CIB4: variants seen among roughly 807,000 people sequenced by gnomAD.
CIB4 encodes the protein calcium and integrin-binding family member 4.
Under a neutral mutation model 25.8 loss-of-function variants are expected in CIB4, and 25 were observed. That is an observed-to-expected ratio of 0.97 (90% confidence interval 0.71 to 1.35). CIB4 has a LOEUF of 1.35. Ranked by LOEUF, CIB4 falls within the 40% of genes most tolerant of loss-of-function variation. The pLI is 0.00. For synonymous variants in CIB4, 75 were observed against 81.4 expected, an observed-to-expected ratio of 0.92 and a Z score of 0.42; for missense variants, 235 against 228.2, an observed-to-expected ratio of 1.03 and a Z score of -0.19.
chr2:26,637,963 C>T (rs959782904), intron 2 of CIB4, among the ~76,000 whole-genome samples: 2 of 152,168 alleles, frequency 1.3e-5, no homozygotes, highest in Non-Finnish European at 2.9e-5. Context: ...ATACTTTGCC[C>T]TCTACTCTGC....
Position 26,641,349 on chromosome 2 carries a change from C to A in CIB4, c.-35G>T, listed in dbSNP as rs199788270. On this transcript the variant is annotated 5_prime_UTR_variant, in exon 1 of 7. Coordinates refer to ENST00000288861, the MANE Select transcript of CIB4 (RefSeq NM_001029881.3). Reference sequence around the variant, plus strand: ...ACCTTTCTGTCTGCCAGCAGTAGAACCTCAGCCTCAAGGACTCGCCAGCTG... The same window carrying A: ...ACCTTTCTGTCTGCCAGCAGTAGAAACTCAGCCTCAAGGACTCGCCAGCTG... 1.1e-5 allele frequency: 17 copies of A among 1,596,806 alleles called. No homozygotes were observed. The highest frequency in any genetic ancestry group is 6.7e-5 in the African/African-American group (5 of 74,714).
At chr2:26,586,270 T>C (rs936221221) in intron 4 of CIB4, among the ~76,000 whole-genome samples, 3 of 152,174 alleles carry the variant, frequency 2.0e-5, no homozygotes, top group African/African-American at 7.2e-5. Flanking sequence ...TCACTCTGCC[T>C]CCTTGCTCAG....
In CIB4 at chr2:26,581,377, A is replaced by G. The variant is rs761586843; in HGVS notation, c.544T>C (p.Phe182Leu). 25 of 1,613,682 alleles carry G rather than the reference A, an allele frequency of 1.5e-5. No homozygotes were observed. In the East Asian group the frequency reaches 5.6e-4, roughly 36 times the overall value. The change falls in exon 7 of 7, where the codon TTC (phenylalanine) becomes CTC (leucine). Residue 182 changes from phenylalanine (F) to leucine (L), a missense_variant. Coordinates refer to ENST00000288861, the MANE Select transcript of CIB4 (RefSeq NM_001029881.3). ...PDFMNSFRIH[F>L]WGC ...TTGCCGCTACATCAGCATCCCCAGAAGTGAATCCGAAAGGAGCTGAAAGAA... is the reference window on the plus strand; with the variant it reads ...TTGCCGCTACATCAGCATCCCCAGAGGTGAATCCGAAAGGAGCTGAAAGAA...
rs1187640015 is a variant in CIB4 at position 26,589,108 on chromosome 2, C to CTCTTCTTCT, written c.329-5219_329-5211dup. On this transcript the variant is annotated intron_variant, in intron 4 of 6. Coordinates refer to ENST00000288861, the MANE Select transcript of CIB4 (RefSeq NM_001029881.3). ...CTTCTTCTTCTTCTTCTTCTTCTTC[C>CTCTTCTTCT]TCTTCTTCTTCTTCTTCTTCTTCTT... 1.5e-4 allele frequency among the ~76,000 whole-genome samples: 10 copies of CTCTTCTTCT among 67,808 alleles called. 1 individual carries two copies. Among genetic ancestry groups the CTCTTCTTCT allele is most frequent in the South Asian group, 1.2e-3 (2 of 1,664 alleles). 44.5% of individuals were successfully genotyped at this position (67,808 alleles called of 152,430 possible).
chr2:26,583,650 C>G, intron 5 of CIB4, 139 bp downstream of exon 5: 1 of 660,136 alleles, frequency 1.5e-6, no homozygotes, highest in Non-Finnish European at 2.8e-6. Context: ...AATGTGTGCA[C>G]CAAAGGCCAA....
intron 4 of CIB4, among the ~76,000 whole-genome samples, chr2:26,591,417 C>T (rs1364820927): frequency 6.6e-6 from 1 of 152,194 alleles, no homozygotes; most frequent in South Asian, 2.1e-4. Context: ...GGAAAGCCCA[C>T]AGAGAGAGGC....
intron 3 of CIB4, chr2:26,605,620 C>T: frequency 2.1e-6 from 1 of 465,958 alleles, no homozygotes; most frequent in Non-Finnish European, 4.4e-6. Flanking sequence ...ACTAGAGTAT[C>T]TCTACCAGAA....
intron 2 of CIB4, among the ~76,000 whole-genome samples, chr2:26,638,975 A>T (rs1205538030): frequency 6.6e-6 from 1 of 152,020 alleles, no homozygotes; most frequent in East Asian, 1.9e-4. Context: ...AAAGCTTAAA[A>T]AAAAAAAAGG....
chr2:26,625,912 T>C (rs1330270946), intron 3 of CIB4, among the ~76,000 whole-genome samples: 1 of 152,278 alleles, frequency 6.6e-6, no homozygotes, highest in Non-Finnish European at 1.5e-5. Context: ...AATTTTTGTA[T>C]AAGGTATAAG....
At position 26,590,618 on chromosome 2, in the gene CIB4, T is replaced by TC. The variant is rs1419294187; in HGVS notation, c.328+4557dup. ...TTCTTCATCCTTCACTGTGGACCAC[T>TC]CCCCCCTCGACTTACTACGCAGGCT... On this transcript the variant is annotated intron_variant, in intron 4 of 6. Transcript: ENST00000288861. Among the ~76,000 whole-genome samples the TC allele has an allele frequency of 3.3e-5, 5 of 152,028 alleles. No individual in the cohort carries two copies. The East Asian group carries it at 9.7e-4, about 29-fold the overall frequency.
chr2:26,606,385 G>A (rs192033062), intron 3 of CIB4, among the ~76,000 whole-genome samples: 237 of 152,352 alleles, frequency 1.6e-3, no homozygotes, highest in Non-Finnish European at 2.8e-3. Context: ...AGAAGACAGA[G>A]GGGAGCAAAG....
rs1447420347 is a variant in CIB4 at position 26,627,374 on chromosome 2, C to A, written c.186+2036G>T. 6.6e-6 allele frequency among the ~76,000 whole-genome samples: 1 copy of A among 152,194 alleles called. No individual in the cohort carries two copies. The highest frequency in any genetic ancestry group is 1.5e-5 in the Non-Finnish European group (1 of 68,038). On this transcript the variant is annotated intron_variant, in intron 3 of 6. Transcript: ENST00000288861. The surrounding 1 kb of genome is among the most constrained non-coding windows in gnomAD (Gnocchi z 4.0). ...CCATTAATAAAATCAGGGTGAGGAG[C>A]ATTTGACAGTGACTAGACTGGGTGG...
chr2:26,636,144 T>G (rs920737118), intron 2 of CIB4, among the ~76,000 whole-genome samples: 14 of 152,166 alleles, frequency 9.2e-5, no homozygotes, highest in African/African-American at 3.4e-4. Context: ...AAAAGAGGAT[T>G]TATTTCTCTA....
Position 26,583,903 on chromosome 2 carries a change from A to G in CIB4, c.329-5T>C, listed in dbSNP as rs1558552263. 8.2e-6 allele frequency: 13 copies of G among 1,583,424 alleles called. No homozygotes were observed. Among genetic ancestry groups the G allele is most frequent in the Non-Finnish European group, 1.1e-5 (13 of 1,152,258 alleles). On this transcript the variant is annotated splice_polypyrimidine_tract_variant and splice_region_variant and intron_variant, in intron 4 of 6. Coordinates refer to ENST00000288861, the MANE Select transcript of CIB4 (RefSeq NM_001029881.3). ...TGAAGCCATTCTCATTAAAATCTGC[A>G]AAGAAGAGGCCAGGCCTGCATTAGA...
Position 26,592,851 on chromosome 2 carries a change from G to T in CIB4, c.328+2325C>A, listed in dbSNP as rs1668609984. Among the ~76,000 whole-genome samples, 3 of 151,900 alleles carry T rather than the reference G, an allele frequency of 2.0e-5. No individual in the cohort carries two copies. The South Asian group carries it at 6.2e-4, about 32-fold the overall frequency. On this transcript the variant is annotated intron_variant, in intron 4 of 6. Coordinates refer to ENST00000288861, the MANE Select transcript of CIB4 (RefSeq NM_001029881.3). ...GCTGAGATTTCCTATCTTTTCATTT[G>T]TTATGAGCAGTTTTTACATCCTTGG...
At chr2:26,588,988 TTCTTCTTC>T (rs1558554500) in intron 4 of CIB4, among the ~76,000 whole-genome samples, 3,146 of 40,016 alleles carry the variant, frequency 0.079, 333 homozygotes, top group Middle Eastern at 0.2. Context: ...TTTCTTCTTC[TTCTTCTTC>T]TTCTTCTTCT....
At chr2:26,590,867 A>T (rs1191030957) in intron 4 of CIB4, among the ~76,000 whole-genome samples, 1 of 152,158 alleles carries the variant, frequency 6.6e-6, no homozygotes, top group Non-Finnish European at 1.5e-5. Flanking sequence ...GCCTGGAGAG[A>T]GAGTGGGGAG....
intron 3 of CIB4, among the ~76,000 whole-genome samples, chr2:26,616,225 G>A (rs949378682): frequency 6.6e-6 from 1 of 152,214 alleles, no homozygotes; most frequent in African/African-American, 2.4e-5. Context: ...GGACTTCCTG[G>A]GGGCCACATG....
intron 3 of CIB4, among the ~76,000 whole-genome samples, chr2:26,616,010 G>A (rs1669085215): frequency 6.6e-6 from 1 of 152,242 alleles, no homozygotes; most frequent in Admixed American, 6.5e-5. Flanking sequence ...GCTGGGGGGC[G>A]GTGGGGGGTG....
Sources: gnomAD v4.1 joint callset for allele counts (sites outside exome capture counted in the v4.1 genomes callset) on GRCh38, gnomAD v4.1.1 for gene constraint, Gnocchi (gnomAD v3.1) non-coding constraint, MANE v1.5 for transcripts, NCBI Gene and HGNC (gene_info 2026-07-23, HGNC 2026-07-21) for gene names.